Variants in RPS6KA1 observed in about 807,000 individuals in gnomAD.
RPS6KA1 encodes the protein ribosomal protein S6 kinase alpha-1.
In RPS6KA1, 48 loss-of-function variants were observed where a neutral mutation model predicts 91.3. The ratio of observed to expected loss-of-function variants is 0.53; its 90% CI spans 0.42 to 0.67. The LOEUF is 0.67. Ranked by LOEUF, RPS6KA1 falls within the 30% of genes least tolerant of loss-of-function variation. The pLI is 0.00. For synonymous variants in RPS6KA1, 359 were observed against 384.7 expected, an observed-to-expected ratio of 0.93 and a Z score of 0.78; for missense variants, 719 against 960.5, an observed-to-expected ratio of 0.75 and a Z score of 3.32.
At chr1:26,541,048 C>T (rs1198108260) in intron 2 of RPS6KA1, among the ~76,000 whole-genome samples, 1 of 152,024 alleles carries the variant, frequency 6.6e-6, no homozygotes, top group Non-Finnish European at 1.5e-5. Flanking sequence ...CCTCGGTCTC[C>T]CAAAGTGCTG....
In RPS6KA1 at chr1:26,554,494, G is replaced by A. The variant is rs535267909; in HGVS notation, c.614-102G>A. 817 of 1,447,932 alleles carry A rather than the reference G, an allele frequency of 5.6e-4. No homozygotes were observed. The highest frequency in any genetic ancestry group is 7.3e-4 in the Non-Finnish European group (776 of 1,061,852). The allele number at this position is 1,447,932 out of a possible 1,614,324, so 89.7% of individuals were successfully genotyped here. On this transcript the variant is annotated intron_variant, in intron 8 of 21. Coordinates refer to ENST00000374168, the MANE Select transcript of RPS6KA1 (RefSeq NM_002953.4). The surrounding 1 kb of genome is among the most constrained non-coding windows in gnomAD (Gnocchi z 4.6). ...TAGCTTCCTCCTGAGTGTCATGGGG[G>A]TGATGCCTTCTGGCCTCTGGGCACG...
At chr1:26,546,762 T>G in intron 2 of RPS6KA1, 105 bp from the exon 3 acceptor site, 1 of 807,252 alleles carries the variant, frequency 1.2e-6, no homozygotes, top group Non-Finnish European at 2.1e-6. Flanking sequence ...CTATTGGGCC[T>G]TTAGGTTCCA....
intron 17 of RPS6KA1, among the ~76,000 whole-genome samples, chr1:26,564,370 T>C (rs1419681686): frequency 1.3e-5 from 2 of 152,188 alleles, no homozygotes; most frequent in African/African-American, 4.8e-5. Flanking sequence ...GCCATTCTCC[T>C]GCCTCAGCCT....
chr1:26,536,023 G>A (rs1031723963), intron 1 of RPS6KA1, among the ~76,000 whole-genome samples: 25 of 152,128 alleles, frequency 1.6e-4, no homozygotes, highest in South Asian at 6.2e-4. Flanking sequence ...GCATGGTGGC[G>A]TACGCCTGTA....
At chr1:26,537,291 G>A (rs1348711671) in intron 2 of RPS6KA1, among the ~76,000 whole-genome samples, 3 of 152,232 alleles carry the variant, frequency 2.0e-5, no homozygotes, top group African/African-American at 7.2e-5. Flanking sequence ...AGTGATGGGA[G>A]GGGCTCAGGC....
intron 13 of RPS6KA1, 117 bp downstream of exon 13, chr1:26,557,217 G>A (rs2076110534): frequency 1.3e-6 from 1 of 743,162 alleles, no homozygotes; most frequent in Non-Finnish European, 2.3e-6. Flanking sequence ...GTATGCGGGT[G>A]GGCAGGCGGG....
At chr1:26,572,666 A>G (rs2076259912) in intron 20 of RPS6KA1, among the ~76,000 whole-genome samples, 1 of 152,194 alleles carries the variant, frequency 6.6e-6, no homozygotes, top group African/African-American at 2.4e-5. Context: ...CCGTGGAGAC[A>G]CAGAGCAGAG....
rs80259538 is a variant in RPS6KA1, at chr1:26,557,489, T to C, written c.1084+389T>C. Reference sequence around the variant, plus strand: ...ACACTGTGTGGTGGCTGAGCAGAGGTGACAGTGCCCATAGGTCAGGGACAG... The same window carrying C: ...ACACTGTGTGGTGGCTGAGCAGAGGCGACAGTGCCCATAGGTCAGGGACAG... On this transcript the variant is annotated intron_variant, in intron 13 of 21. Coordinates refer to ENST00000374168, the MANE Select transcript of RPS6KA1 (RefSeq NM_002953.4). 2.3e-3 allele frequency among the ~76,000 whole-genome samples: 348 copies of C among 152,080 alleles called. 14 individuals carry two copies. In the East Asian group the frequency reaches 0.059, roughly 26 times the overall value.
chr1:26,546,099 C>A, intron 2 of RPS6KA1: 1 of 1,572,480 alleles, frequency 6.4e-7, no homozygotes, highest in Non-Finnish European at 8.6e-7. Context: ...GCCTGGGAAG[C>A]CAGCTTAACA....
rs2229713 is a variant in RPS6KA1, at chr1:26,574,129, C to A, written c.2136C>A (p.Pro712=). 6 of 1,614,174 alleles carry A rather than the reference C, an allele frequency of 3.7e-6. No individual in the cohort carries two copies. Among genetic ancestry groups the A allele is most frequent in the Middle Eastern group, 1.6e-4 (1 of 6,062 alleles). ...CACTCAACAGCTCCAAGCCCACCCC[C>A]CAGCTGAAGCCCATCGAGTCATCCA... ...YSALNSSKPT[P]QLKPIESSIL... is the part of the protein sequence containing the mutation. Residue 712 remains proline (P), a synonymous_variant, in exon 22 of 22, where the codon CCC becomes CCA. Coordinates refer to ENST00000374168, the MANE Select transcript of RPS6KA1 (RefSeq NM_002953.4). This position sits in a 1 kb window ranked among gnomAD's most constrained non-coding sequence, Gnocchi z 4.3.
intron 20 of RPS6KA1, among the ~76,000 whole-genome samples, chr1:26,572,691 A>G (rs1315412125): frequency 6.6e-6 from 1 of 152,184 alleles, no homozygotes; most frequent in Admixed American, 6.5e-5. Context: ...TGGCCATGCC[A>G]AGCAGAGCCT....
Position 26,556,763 on chromosome 1 carries a change from AT to A in RPS6KA1, c.981+46del, listed in dbSNP as rs763457867. 1.9e-5 allele frequency: 31 copies of A among 1,605,866 alleles called. 1 individual carries two copies. In the South Asian group the frequency reaches 3.2e-4, roughly 17 times the overall value. On this transcript the variant is annotated intron_variant, in intron 12 of 21. Coordinates refer to ENST00000374168, the MANE Select transcript of RPS6KA1 (RefSeq NM_002953.4). ...CCAGGGCTCTGGCCAGGGCTCAGCCATCTTGGCCACAGGAAGGGTGGTGGGA... is the reference window on the plus strand; with the variant it reads ...CCAGGGCTCTGGCCAGGGCTCAGCCACTTGGCCACAGGAAGGGTGGTGGGA...
chr1:26,553,991 C>T, intron 7 of RPS6KA1: 1 of 502,342 alleles, frequency 2.0e-6, no homozygotes. Flanking sequence ...CAAAACGGGG[C>T]CCTAATAGTA....
Position 26,561,692 on chromosome 1 carries a change from G to A in RPS6KA1, c.1590+29G>A. 1 of 1,564,152 alleles carries A rather than the reference G, an allele frequency of 6.4e-7. No homozygotes were observed. Among genetic ancestry groups the A allele is most frequent in the Non-Finnish European group, 8.7e-7 (1 of 1,152,668 alleles). On this transcript the variant is annotated intron_variant, in intron 17 of 21. Transcript: ENST00000374168. The surrounding 1 kb of genome is among the most constrained non-coding windows in gnomAD (Gnocchi z 5.7). ...AGTCTGGATTCGGGGAGGCAGTAGGGGGATGCCAAGGGTCATATCATCAGC... is the reference window on the plus strand; with the variant it reads ...AGTCTGGATTCGGGGAGGCAGTAGGAGGATGCCAAGGGTCATATCATCAGC...
In RPS6KA1 at chr1:26,555,850, T is replaced by C. The variant is rs2076096969; in HGVS notation, c.916+225T>C. Reference sequence around the variant, plus strand: ...GGAACTGAGTCATCCCTACTCCCTCTGGGGACAAGGACAGAGGCCCCCACA... The same window carrying C: ...GGAACTGAGTCATCCCTACTCCCTCCGGGGACAAGGACAGAGGCCCCCACA... On this transcript the variant is annotated intron_variant, in intron 11 of 21. Coordinates refer to ENST00000374168, the MANE Select transcript of RPS6KA1 (RefSeq NM_002953.4). The surrounding 1 kb of genome is among the most constrained non-coding windows in gnomAD (Gnocchi z 4.3). 6.6e-6 allele frequency among the ~76,000 whole-genome samples: 1 copy of C among 152,120 alleles called. No individual in the cohort carries two copies. Among genetic ancestry groups the C allele is most frequent in the African/African-American group, 2.4e-5 (1 of 41,422 alleles).
In RPS6KA1 at chr1:26,572,173, C is replaced by T; in HGVS notation, c.1830-3C>T. On this transcript the variant is annotated splice_region_variant and splice_polypyrimidine_tract_variant and intron_variant, in intron 19 of 21. Coordinates refer to ENST00000374168, the MANE Select transcript of RPS6KA1 (RefSeq NM_002953.4). Reference sequence around the variant, plus strand: ...TACCCAGACCGTGCGGGCTTTTCTGCAGATATACTCCATTTGCCAACGGTC... The same window carrying T: ...TACCCAGACCGTGCGGGCTTTTCTGTAGATATACTCCATTTGCCAACGGTC... The T allele has an allele frequency of 6.2e-7, 1 of 1,612,112 alleles. No homozygotes were observed. Among genetic ancestry groups the T allele is most frequent in the Non-Finnish European group, 8.5e-7 (1 of 1,178,256 alleles).
At position 26,561,217 on chromosome 1, in the gene RPS6KA1, TCTC is replaced by T. The variant is rs1284018051; in HGVS notation, c.1431+84_1431+86del. 1 of 1,305,084 alleles carries T rather than the reference TCTC, an allele frequency of 7.7e-7. No individual in the cohort carries two copies. The highest frequency in any genetic ancestry group is 1.8e-5 in the Admixed American group (1 of 55,378). The allele number at this position is 1,305,084 out of a possible 1,614,324, so 80.8% of individuals were successfully genotyped here. Reference sequence around the variant, plus strand: ...TCTCAGGATTGCCATTCCTTTGACTTCTCATCCTCTTTCCAGTGGTCATGTGGA... The same window carrying T: ...TCTCAGGATTGCCATTCCTTTGACTTATCCTCTTTCCAGTGGTCATGTGGA... On this transcript the variant is annotated intron_variant, in intron 16 of 21. Coordinates refer to ENST00000374168, the MANE Select transcript of RPS6KA1 (RefSeq NM_002953.4). This position sits in a 1 kb window ranked among gnomAD's most constrained non-coding sequence, Gnocchi z 5.7.
intron 4 of RPS6KA1, among the ~76,000 whole-genome samples, chr1:26,548,747 C>T (rs375575544): frequency 6.6e-5 from 10 of 150,664 alleles, no homozygotes; most frequent in African/African-American, 1.5e-4. Context: ...TGCAGTGAGC[C>T]GAGATCGCGC....
At chr1:26,533,572 G>A (rs1371714490) in intron 1 of RPS6KA1, among the ~76,000 whole-genome samples, 4 of 152,176 alleles carry the variant, frequency 2.6e-5, no homozygotes, top group African/African-American at 9.7e-5. Context: ...CAGGTGTGGT[G>A]GTGCGGCCTA....
Sources: gnomAD v4.1 joint callset for allele counts (sites outside exome capture counted in the v4.1 genomes callset) on GRCh38, gnomAD v4.1.1 for gene constraint, Gnocchi (gnomAD v3.1) non-coding constraint, MANE v1.5 for transcripts, NCBI Gene and HGNC (gene_info 2026-07-23, HGNC 2026-07-21) for gene names.